ARHGAP15: variants seen among roughly 807,000 people sequenced by gnomAD.
The protein encoded by ARHGAP15 is rho GTPase-activating protein 15.
Under a neutral mutation model 63.7 loss-of-function variants are expected in ARHGAP15, and 51 were observed. The ratio of observed to expected loss-of-function variants is 0.80; its 90% CI spans 0.64 to 1.01. The LOEUF is 1.01. Ranked by LOEUF, ARHGAP15 falls within the 50% of genes least tolerant of loss-of-function variation. ARHGAP15 has a pLI of 0.00. For synonymous variants in ARHGAP15, 191 were observed against 193.8 expected, an observed-to-expected ratio of 0.99 and a Z score of 0.12; for missense variants, 560 against 564.6, an observed-to-expected ratio of 0.99 and a Z score of 0.08.
intron 6 of ARHGAP15, among the ~76,000 whole-genome samples, chr2:143,348,473 C>A (rs1329768809): frequency 6.6e-6 from 1 of 151,978 alleles, no homozygotes; most frequent in East Asian, 1.9e-4. Context: ...TAAAAAAAAA[C>A]TGTTATTTTC....
In ARHGAP15 at chr2:143,429,423, C is replaced by T. The variant is rs530046787; in HGVS notation, c.475-6178C>T. Among the ~76,000 whole-genome samples, 10 of 152,110 alleles carry T rather than the reference C, an allele frequency of 6.6e-5. No individual in the cohort carries two copies. The South Asian group carries it at 2.1e-3, about 32-fold the overall frequency. The stretch of plus-strand genomic sequence containing the variant: ...GTACAGCTCAATTTCACTTAAAAAG[C>T]ATTGTTTCTTGAAAGGTTGGCCTTA... On this transcript the variant is annotated intron_variant, in intron 6 of 13. Transcript: ENST00000295095.
At chr2:143,148,763 T>G (rs1689693523) in intron 1 of ARHGAP15, among the ~76,000 whole-genome samples, 1 of 152,096 alleles carries the variant, frequency 6.6e-6, no homozygotes, top group African/African-American at 2.4e-5. Context: ...TCTCATTATA[T>G]TTGACATTTT....
chr2:143,449,598 A>C (rs1690305195), intron 8 of ARHGAP15, among the ~76,000 whole-genome samples: 2 of 152,068 alleles, frequency 1.3e-5, no homozygotes, highest in African/African-American at 4.8e-5. Context: ...GCACCTGCCA[A>C]AAGAATCAAG....
At chr2:143,639,484 C>T (rs530011627) in intron 12 of ARHGAP15, among the ~76,000 whole-genome samples, 1 of 152,170 alleles carries the variant, frequency 6.6e-6, no homozygotes, top group East Asian at 1.9e-4. Context: ...TTATTTGTAA[C>T]AAACATTTAA....
chr2:143,556,358 C>T, intron 10 of ARHGAP15, 50 bp from the exon 11 acceptor site: 8 of 1,359,120 alleles, frequency 5.9e-6, no homozygotes, highest in South Asian at 4.3e-5. Flanking sequence ...TTTTTTAAAC[C>T]ATCTCAATTC....
chr2:143,369,012 G>A (rs979082022), intron 6 of ARHGAP15, among the ~76,000 whole-genome samples: 1 of 152,034 alleles, frequency 6.6e-6, no homozygotes, highest in African/African-American at 2.4e-5. Flanking sequence ...TTGCATAAAT[G>A]AATAGTGACA....
At chr2:143,724,025 AAAT>A (rs1274096410) in intron 13 of ARHGAP15, among the ~76,000 whole-genome samples, 3 of 151,178 alleles carry the variant, frequency 2.0e-5, no homozygotes, top group Non-Finnish European at 4.4e-5. Context: ...CTTATCATAG[AAAT>A]AATACCTAAT....
intron 6 of ARHGAP15, among the ~76,000 whole-genome samples, chr2:143,331,023 T>A (rs1189106413): frequency 6.6e-6 from 1 of 152,114 alleles, no homozygotes; most frequent in African/African-American, 2.4e-5. Flanking sequence ...TTTGAGTTGA[T>A]CATAAATCAT....
chr2:143,524,213 AT>A (rs61603193), intron 10 of ARHGAP15, among the ~76,000 whole-genome samples: 124,304 of 151,888 alleles, frequency 0.82, 50,970 homozygotes, highest in South Asian at 0.84. Context: ...CAGCTGTTAT[AT>A]TTTTTTTGCT....
chr2:143,411,503 T>C (rs543424804), intron 6 of ARHGAP15, among the ~76,000 whole-genome samples: 1 of 152,346 alleles, frequency 6.6e-6, no homozygotes, highest in East Asian at 1.9e-4. Context: ...CCATATTGAT[T>C]ACTAGTTATT....
intron 8 of ARHGAP15, among the ~76,000 whole-genome samples, chr2:143,462,746 C>T (rs899441954): frequency 6.6e-6 from 1 of 152,106 alleles, no homozygotes; most frequent in Admixed American, 6.5e-5. Flanking sequence ...AACAGAGAAG[C>T]AGTACTACTA....
rs896655509 is a variant in ARHGAP15, at chr2:143,598,237, A to T, written c.1004-25896A>T. Reference sequence around the variant, plus strand: ...ACATCTAAACTAATAGGTAAATCCAAAGAAACTCCATGAAACAAGGAAGTC... The same window carrying T: ...ACATCTAAACTAATAGGTAAATCCATAGAAACTCCATGAAACAAGGAAGTC... On this transcript the variant is annotated intron_variant, in intron 11 of 13. Transcript: ENST00000295095. Among the ~76,000 whole-genome samples the T allele has an allele frequency of 6.6e-5, 10 of 152,190 alleles. No homozygotes were observed. The South Asian group carries it at 1.2e-3, about 19-fold the overall frequency.
At chr2:143,611,277 T>C (rs531890373) in intron 11 of ARHGAP15, among the ~76,000 whole-genome samples, 10 of 152,346 alleles carry the variant, frequency 6.6e-5, no homozygotes, top group African/African-American at 2.4e-4. Flanking sequence ...ACTTTTTCCC[T>C]TCTTGCTCTA....
intron 6 of ARHGAP15, chr2:143,343,986 A>G (rs1685167112): frequency 6.6e-6 from 1 of 152,262 alleles, no homozygotes; most frequent in African/African-American, 2.4e-5. Flanking sequence ...CATTATGGAA[A>G]GTAGTTAATG....
chr2:143,504,492 T>A (rs893218763), intron 9 of ARHGAP15, among the ~76,000 whole-genome samples: 1 of 152,224 alleles, frequency 6.6e-6, no homozygotes, highest in Non-Finnish European at 1.5e-5. Context: ...GTACTTGTTA[T>A]CTACTTTGAG....
At chr2:143,394,470 A>G (rs1339789774) in intron 6 of ARHGAP15, among the ~76,000 whole-genome samples, 1 of 152,210 alleles carries the variant, frequency 6.6e-6, no homozygotes, top group South Asian at 2.1e-4. Flanking sequence ...TTGACTCTAC[A>G]TTACAGATGC....
At chr2:143,222,226 T>TGA (rs1435081261) in intron 4 of ARHGAP15, among the ~76,000 whole-genome samples, 1 of 152,240 alleles carries the variant, frequency 6.6e-6, no homozygotes, top group Non-Finnish European at 1.5e-5. Context: ...TAACAGTGTC[T>TGA]GAGTGATTTT....
At chr2:143,440,928 CA>C (rs1241541284) in intron 8 of ARHGAP15, among the ~76,000 whole-genome samples, 2 of 152,104 alleles carry the variant, frequency 1.3e-5, no homozygotes, top group African/African-American at 4.8e-5. Flanking sequence ...GGGGAAGGCC[CA>C]AATATAATAA....
chr2:143,591,485 A>G (rs539202307), intron 11 of ARHGAP15, among the ~76,000 whole-genome samples: 3 of 152,262 alleles, frequency 2.0e-5, no homozygotes, highest in Non-Finnish European at 4.4e-5. Context: ...TTCCTCAACT[A>G]TAAAATAAGA....
Sources: gnomAD v4.1 joint callset for allele counts (sites outside exome capture counted in the v4.1 genomes callset) on GRCh38, gnomAD v4.1.1 for gene constraint, MANE v1.5 for transcripts, NCBI Gene and HGNC (gene_info 2026-07-23, HGNC 2026-07-21) for gene names.